EXOSC7: variants seen among roughly 807,000 people sequenced by gnomAD.
EXOSC7 encodes exosome complex component RRP42.
Under a neutral mutation model 34.3 loss-of-function variants are expected in EXOSC7, and 25 were observed. The ratio of observed to expected loss-of-function variants is 0.73; its 90% CI spans 0.53 to 1.02. The LOEUF is 1.02. Among genes scored for constraint, EXOSC7 ranks in the 50% least tolerant of loss-of-function variants. EXOSC7 has a pLI of 0.00. For synonymous variants in EXOSC7, 130 were observed against 143.0 expected, an observed-to-expected ratio of 0.91 and a Z score of 0.65; for missense variants, 370 against 368.5, an observed-to-expected ratio of 1.00 and a Z score of -0.03.
chr3:45,003,443 T>C (rs1706943215), intron 5 of EXOSC7, among the ~76,000 whole-genome samples: 2 of 152,136 alleles, frequency 1.3e-5, no homozygotes, highest in Admixed American at 1.3e-4. Context: ...AGGCTCCAAA[T>C]GGGGAAGACC....
chr3:45,002,238 A>G (rs1032635781), intron 5 of EXOSC7: 1 of 152,230 alleles, frequency 6.6e-6, no homozygotes, highest in African/African-American at 2.4e-5. Context: ...GAAAATTTGC[A>G]GCATTTATGA....
intron 1 of EXOSC7, among the ~76,000 whole-genome samples, chr3:44,979,384 G>C (rs1706214686): frequency 6.6e-6 from 1 of 152,208 alleles, no homozygotes; most frequent in Non-Finnish European, 1.5e-5. Flanking sequence ...AGCTTCTGAT[G>C]TCACTTTCCC....
At chr3:44,981,961 C>T (rs1029199853) in intron 1 of EXOSC7, among the ~76,000 whole-genome samples, 1 of 152,138 alleles carries the variant, frequency 6.6e-6, no homozygotes, top group Non-Finnish European at 1.5e-5. Flanking sequence ...TCTGAGGTAC[C>T]GCCTCTCATG....
At chr3:44,985,047 C>G (rs2125962945) in intron 1 of EXOSC7, among the ~76,000 whole-genome samples, 1 of 152,350 alleles carries the variant, frequency 6.6e-6, no homozygotes, top group South Asian at 2.1e-4. Flanking sequence ...TTACACCCCA[C>G]AAAGAACTTC....
At chr3:44,978,520 A>G (rs966108939) in intron 1 of EXOSC7, among the ~76,000 whole-genome samples, 1 of 152,236 alleles carries the variant, frequency 6.6e-6, no homozygotes, top group Non-Finnish European at 1.5e-5. Flanking sequence ...AGATGCAGAA[A>G]CTATAAATGT....
intron 4 of EXOSC7, among the ~76,000 whole-genome samples, chr3:44,997,927 A>C (rs756769270): frequency 1.3e-5 from 2 of 152,192 alleles, no homozygotes; most frequent in Non-Finnish European, 2.9e-5. Flanking sequence ...TTTTGAGTCC[A>C]GCCCGTCATT....
At chr3:45,004,563 T>TG (rs1368875670) in intron 5 of EXOSC7, 2 of 151,176 alleles carry the variant, frequency 1.3e-5, no homozygotes, top group African/African-American at 4.8e-5. Context: ...GCGTTTTTTT[T>TG]TTTTTGTTTT....
chr3:44,988,021 T>G (rs996279833), intron 1 of EXOSC7, among the ~76,000 whole-genome samples: 1 of 152,190 alleles, frequency 6.6e-6, no homozygotes, highest in Non-Finnish European at 1.5e-5. Context: ...ATTTTCTAGC[T>G]CTGTCTGCTG....
At chr3:44,997,751 G>A (rs1706761933) in intron 4 of EXOSC7, among the ~76,000 whole-genome samples, 1 of 152,212 alleles carries the variant, frequency 6.6e-6, no homozygotes, top group African/African-American at 2.4e-5. Context: ...CTTGTGAGTA[G>A]TGCTGTTGAG....
intron 3 of EXOSC7, 67 bp downstream of exon 3, chr3:44,989,711 A>G: frequency 7.5e-7 from 1 of 1,328,330 alleles, no homozygotes; most frequent in South Asian, 1.3e-5. Flanking sequence ...CAGAAAATGA[A>G]CCTCTGGTTT....
downstream of EXOSC7, chr3:45,012,492 A>C (rs1451473790): frequency 2.0e-5 from 3 of 152,106 alleles, no homozygotes; most frequent in Non-Finnish European, 2.9e-5. Flanking sequence ...TTCATCTTTT[A>C]TGTTTCTTCA....
chr3:44,993,369 A>G lies in EXOSC7; in HGVS notation c.255-3718A>G, dbSNP rs1706623649. On this transcript the variant is annotated intron_variant, in intron 3 of 7. Coordinates refer to ENST00000265564, the MANE Select transcript of EXOSC7 (RefSeq NM_015004.4). ...GGTAAGGCCCAGGTCAGCCCTGCCT[A>G]GGTACCCACTAGATCACTTTTTCTG... 2.0e-5 allele frequency among the ~76,000 whole-genome samples: 3 copies of G among 152,058 alleles called. No homozygotes were observed. In the South Asian group the frequency reaches 6.2e-4, roughly 32 times the overall value.
At chr3:44,988,615 C>T (rs552840735) in intron 1 of EXOSC7, among the ~76,000 whole-genome samples, 7 of 152,256 alleles carry the variant, frequency 4.6e-5, no homozygotes, top group African/African-American at 1.7e-4. Flanking sequence ...AAACAAGGGA[C>T]CTTAGTTTGT....
intron 1 of EXOSC7, among the ~76,000 whole-genome samples, chr3:44,980,509 G>A (rs1039467346): frequency 1.3e-5 from 2 of 151,180 alleles, no homozygotes; most frequent in Non-Finnish European, 3.0e-5. Flanking sequence ...CAGTAATTGA[G>A]TGGTGGCACT....
chr3:44,989,329 T>A, intron 2 of EXOSC7, 88 bp downstream of exon 2: 1 of 1,065,454 alleles, frequency 9.4e-7, no homozygotes, highest in South Asian at 1.4e-5. Flanking sequence ...GCTTTTGGAA[T>A]GCAAATTGCT....
chr3:45,007,681 C>G (rs1284862631), intron 7 of EXOSC7, 106 bp downstream of exon 7: 39 of 1,274,354 alleles, frequency 3.1e-5, no homozygotes, highest in Non-Finnish European at 2.1e-6. Flanking sequence ...CAGCCTTGAC[C>G]CCAAACTTGG....
intron 3 of EXOSC7, among the ~76,000 whole-genome samples, chr3:44,990,403 G>T (rs191495663): frequency 1.3e-5 from 2 of 152,216 alleles, no homozygotes; most frequent in African/African-American, 2.4e-5. Flanking sequence ...CATTCTAGGG[G>T]TCGGGGCTTT....
chr3:44,985,451 G>A (rs1706380996), intron 1 of EXOSC7, among the ~76,000 whole-genome samples: 1 of 151,932 alleles, frequency 6.6e-6, no homozygotes, highest in Non-Finnish European at 1.5e-5. Flanking sequence ...AGATGTGCTC[G>A]GAGTTTCTTC....
chr3:44,994,535 C>G (rs1706663962), intron 3 of EXOSC7, among the ~76,000 whole-genome samples: 2 of 152,118 alleles, frequency 1.3e-5, no homozygotes. Context: ...TCTCTAAGGC[C>G]TTTTCCAGGT....
Sources: allele counts gnomAD v4.1 joint callset (sites outside exome capture counted in the v4.1 genomes callset), GRCh38; gene constraint gnomAD v4.1.1; transcripts MANE v1.5; gene names NCBI Gene and HGNC (gene_info 2026-07-23, HGNC 2026-07-21).